Variants in OTUD7A observed in about 807,000 individuals in gnomAD.
The protein encoded by OTUD7A is OTU domain-containing protein 7A.
In OTUD7A, 12 loss-of-function variants were observed where a neutral mutation model predicts 65.7. The ratio of observed to expected loss-of-function variants is 0.18; its 90% confidence interval spans 0.12 to 0.30. OTUD7A has a LOEUF of 0.30. OTUD7A is among the 10% of genes least tolerant of loss of function. The probability of loss-of-function intolerance (pLI) is 1.00; values close to 1 mark genes in which losing one functional copy is unlikely to be tolerated. For synonymous variants in OTUD7A, 641 were observed against 586.3 expected, an observed-to-expected ratio of 1.09 and a Z score of -1.35; for missense variants, 1,148 against 1,304.8, an observed-to-expected ratio of 0.88 and a Z score of 1.85.
intron 1 of OTUD7A, among the ~76,000 whole-genome samples, chr15:31,802,205 A>G (rs1896151050): frequency 6.6e-6 from 1 of 151,582 alleles, no homozygotes; most frequent in Non-Finnish European, 1.5e-5. Flanking sequence ...AGGTCCCACA[A>G]TAGGCCGTCT....
chr15:31,843,136 C>T (rs1897223404), intron 1 of OTUD7A, among the ~76,000 whole-genome samples: 1 of 151,980 alleles, frequency 6.6e-6, no homozygotes, highest in Non-Finnish European at 1.5e-5. Flanking sequence ...GTCGGGAAGT[C>T]TATCCCACTG....
chr15:31,524,990 A>G (rs2041991197), intron 8 of OTUD7A, among the ~76,000 whole-genome samples: 1 of 152,106 alleles, frequency 6.6e-6, no homozygotes, highest in Admixed American at 6.5e-5. Flanking sequence ...CTCCTCCTGG[A>G]TGGGGGTACT....
intron 1 of OTUD7A, among the ~76,000 whole-genome samples, chr15:31,785,543 G>A (rs1248747978): frequency 6.6e-6 from 1 of 152,040 alleles, no homozygotes; most frequent in Non-Finnish European, 1.5e-5. Flanking sequence ...TAGTACAAGG[G>A]CAACACCTAT....
intron 5 of OTUD7A, among the ~76,000 whole-genome samples, chr15:31,536,497 C>T (rs1887807674): frequency 1.3e-5 from 2 of 151,932 alleles, no homozygotes; most frequent in Admixed American, 1.3e-4. Context: ...TAGATATTTC[C>T]AAGAAATTAT....
At chr15:31,723,212 T>C (rs1207954996) in intron 1 of OTUD7A, among the ~76,000 whole-genome samples, 4 of 152,198 alleles carry the variant, frequency 2.6e-5, no homozygotes, top group Non-Finnish European at 5.9e-5. Flanking sequence ...TTGAAACTGC[T>C]GGAGGAGGCC....
chr15:31,530,941 C>A (rs1181208049), intron 5 of OTUD7A, 133 bp from the exon 6 acceptor site: 1 of 576,062 alleles, frequency 1.7e-6, no homozygotes, highest in Non-Finnish European at 3.0e-6. Flanking sequence ...ATTATGGCTA[C>A]TTCTCTCCTC....
chr15:31,730,825 C>T lies in OTUD7A; in HGVS notation c.-99-73748G>A, dbSNP rs568161988. Among the ~76,000 whole-genome samples, 28 of 152,298 alleles carry T rather than the reference C, an allele frequency of 1.8e-4. No individual in the cohort carries two copies. The South Asian group carries it at 5.4e-3, about 29-fold the overall frequency. On this transcript the variant is annotated intron_variant, in intron 1 of 12. Transcript: ENST00000307050. ...GCCCACGGCCAATACAGAGTGAGCC[C>T]CACATGGTCTACAGGAGGTCAGTGA... is the stretch of plus-strand genomic sequence containing the variant.
chr15:31,825,142 C>T (rs191625769), intron 1 of OTUD7A, among the ~76,000 whole-genome samples: 44 of 152,326 alleles, frequency 2.9e-4, no homozygotes, highest in African/African-American at 9.4e-4. Context: ...CCATGGAAAT[C>T]GAGAAATTCA....
chr15:31,628,336 T>G (rs1566950603), intron 3 of OTUD7A, among the ~76,000 whole-genome samples: 1 of 152,204 alleles, frequency 6.6e-6, no homozygotes, highest in Non-Finnish European at 1.5e-5. Flanking sequence ...CCAGCACCAT[T>G]TATTAAATAG....
intron 3 of OTUD7A, among the ~76,000 whole-genome samples, chr15:31,598,883 G>A (rs567544225): frequency 6.6e-6 from 1 of 152,286 alleles, no homozygotes; most frequent in African/African-American, 2.4e-5. Flanking sequence ...TGTAAACAAA[G>A]CCGCAGGGAA....
intron 1 of OTUD7A, among the ~76,000 whole-genome samples, chr15:31,731,253 G>T (rs559704696): frequency 6.6e-6 from 1 of 152,264 alleles, no homozygotes; most frequent in Admixed American, 6.5e-5. Context: ...CATTCTAAAA[G>T]AGTAAGATAA....
rs745943501 is a variant in OTUD7A, at chr15:31,484,211, G to C, written c.1885C>G (p.Leu629Val). 3.2e-5 allele frequency: 52 copies of C among 1,608,374 alleles called. No homozygotes were observed. Among genetic ancestry groups the C allele is most frequent in the Non-Finnish European group, 4.4e-5 (52 of 1,178,834 alleles). The part of the protein sequence containing the change: ...WKYSTDVKLS[L>V]NILRAAMQGE... ...TGCATGGCGGCGCGCAGGATGTTGA[G>C]GCTCAGCTTCACATCCGTGCTGTAC... Residue 629 changes from leucine to valine, a missense_variant, in exon 13 of 13, where the codon CTC becomes GTC. By Grantham distance (32) the Leu-to-Val change is conservative. Transcript: ENST00000307050. The surrounding 1 kb of genome is among the most constrained non-coding windows in gnomAD (Gnocchi z 4.5).
Position 31,484,798 on chromosome 15 carries a change from C to A in OTUD7A, c.1372-74G>T. Reference sequence around the variant, plus strand: ...CCACGCGCCAGCGAGGAAGACACACCTTGCCCCTGTGTTGCCGAGGCTAGG... The same window carrying A: ...CCACGCGCCAGCGAGGAAGACACACATTGCCCCTGTGTTGCCGAGGCTAGG... On this transcript the variant is annotated intron_variant, in intron 12 of 12. Coordinates refer to ENST00000307050, the MANE Select transcript of OTUD7A (RefSeq NM_001382637.1). This position sits in a 1 kb window ranked among gnomAD's most constrained non-coding sequence, Gnocchi z 4.5. The A allele has an allele frequency of 6.6e-7, 1 of 1,524,546 alleles. No individual in the cohort carries two copies. The highest frequency in any genetic ancestry group is 8.8e-7 in the Non-Finnish European group (1 of 1,139,236). The allele number at this position is 1,524,546 out of a possible 1,614,324, so 94.4% of individuals were successfully genotyped here.
chr15:31,822,392 A>G (rs1376140585), intron 1 of OTUD7A, among the ~76,000 whole-genome samples: 1 of 152,228 alleles, frequency 6.6e-6, no homozygotes, highest in Non-Finnish European at 1.5e-5. Flanking sequence ...AGCTCCCTCC[A>G]GTTTCTGTTA....
At chr15:31,563,503 C>A (rs1437539657) in intron 4 of OTUD7A, among the ~76,000 whole-genome samples, 2 of 152,184 alleles carry the variant, frequency 1.3e-5, no homozygotes, top group Admixed American at 6.5e-5. Context: ...TGGGTGAGGC[C>A]GACAGAGAGG....
At chr15:31,505,510 G>A (rs910242351) in intron 8 of OTUD7A, among the ~76,000 whole-genome samples, 6 of 151,968 alleles carry the variant, frequency 3.9e-5, no homozygotes, top group African/African-American at 1.5e-4. Flanking sequence ...GGGAGGAAAG[G>A]CTTTGAAGAG....
At chr15:31,683,929 A>T (rs1892777694) in intron 1 of OTUD7A, among the ~76,000 whole-genome samples, 1 of 152,180 alleles carries the variant, frequency 6.6e-6, no homozygotes, top group African/African-American at 2.4e-5. Context: ...TTAAGCAGAA[A>T]ATTTATTTGT....
chr15:31,821,133 C>CTTT lies in OTUD7A; in HGVS notation c.-100+49371_-100+49373dup, dbSNP rs35732957. ...TGTGGCATAAATCAGTTTTTCATTTCTTTTTTTTTTTTTTTTTTTTTGAGA... is the reference window on the plus strand; with the variant it reads ...TGTGGCATAAATCAGTTTTTCATTTCTTTTTTTTTTTTTTTTTTTTTTTTGAGA... On this transcript the variant is annotated intron_variant, in intron 1 of 12. Transcript: ENST00000307050. 4.9e-3 allele frequency among the ~76,000 whole-genome samples: 475 copies of CTTT among 97,442 alleles called. 15 individuals carry two copies. Among genetic ancestry groups the CTTT allele is most frequent in the East Asian group, 7.7e-3 (27 of 3,502 alleles). 63.9% of individuals were successfully genotyped at this position (97,442 alleles called of 152,430 possible). A position where few individuals can be genotyped will look rare whatever the true frequency, so the allele number is the denominator to read the frequency against.
intron 1 of OTUD7A, among the ~76,000 whole-genome samples, chr15:31,761,301 G>A (rs564395824): frequency 6.6e-6 from 1 of 152,168 alleles, no homozygotes; most frequent in African/African-American, 2.4e-5. Context: ...TAAGGGACTT[G>A]TATACAGGAT....
Sources: allele counts gnomAD v4.1 joint callset (sites outside exome capture counted in the v4.1 genomes callset), GRCh38; gene constraint gnomAD v4.1.1; non-coding constraint Gnocchi (gnomAD v3.1); transcripts MANE v1.5; gene names NCBI Gene and HGNC (gene_info 2026-07-23, HGNC 2026-07-21).